The following HERC2 variants were observed in gnomAD, a reference collection of about 807,000 sequenced individuals.
HERC2 encodes the protein HECT and RLD domain containing E3 ubiquitin protein ligase 2.
HERC2 carries 102 observed loss-of-function variants against 537.7 expected under a neutral mutation model. The ratio of observed to expected loss-of-function variants is 0.19; its 90% CI spans 0.16 to 0.22. The LOEUF (loss-of-function observed/expected upper bound fraction) is 0.22, where lower values mean the gene tolerates loss of function less well. Among genes scored for constraint, HERC2 ranks in the 10% least tolerant of loss-of-function variants. HERC2 has a pLI of 1.00. For synonymous variants in HERC2, 2,224 were observed against 2,466.2 expected (o/e 0.90, Z 2.91); for missense variants, 4,236 against 6,198.2 (o/e 0.68, Z 10.63).
intron 57 of HERC2, among the ~76,000 whole-genome samples, chr15:28,179,823 T>C (rs886118429): frequency 3.3e-5 from 5 of 152,162 alleles, no homozygotes; most frequent in African/African-American, 9.7e-5. Context: ...ATGTTAAAGA[T>C]AGAAAAAAGC....
chr15:28,170,855 A>C lies in HERC2; in HGVS notation c.10058-1200T>G, dbSNP rs568356296. ...AGGGCATGAAGACATATTTTACCAA[A>C]GAGGAGATATGGACAGTAAATAAGC... is the stretch of plus-strand genomic sequence containing the variant. On this transcript the variant is annotated intron_variant, in intron 65 of 92. Transcript: ENST00000261609. Among the ~76,000 whole-genome samples, 5 of 152,300 alleles carry C rather than the reference A, an allele frequency of 3.3e-5. No individual in the cohort carries two copies. In the South Asian group the frequency reaches 1.0e-3, roughly 32 times the overall value.
chr15:28,238,947 T>C (rs530539793), intron 23 of HERC2, among the ~76,000 whole-genome samples, 175 bp from the exon 24 acceptor site: 39 of 152,176 alleles, frequency 2.6e-4, no homozygotes, highest in African/African-American at 7.2e-4. Flanking sequence ...AAATATAGAA[T>C]GCTTTAAAAA....
At chr15:28,297,137 T>C (rs2076491425) in intron 3 of HERC2, among the ~76,000 whole-genome samples, 1 of 152,270 alleles carries the variant, frequency 6.6e-6, no homozygotes, top group Non-Finnish European at 1.5e-5. Context: ...CAAGAATTAC[T>C]AAGTAGGAGA....
At chr15:28,232,904 A>G (rs1461277292) in intron 30 of HERC2, among the ~76,000 whole-genome samples, 1 of 152,252 alleles carries the variant, frequency 6.6e-6, no homozygotes, top group East Asian at 1.9e-4. Context: ...TATGTTTTCA[A>G]CATCAATTTA....
chr15:28,275,466 G>A (rs757433911), intron 5 of HERC2, among the ~76,000 whole-genome samples: 4 of 152,220 alleles, frequency 2.6e-5, no homozygotes, highest in South Asian at 2.1e-4. Flanking sequence ...GAAGCCCTGC[G>A]TGCTTGACCC....
rs1158485069 is a variant in HERC2 at position 28,280,143 on chromosome 15, CT to C, written c.466del (p.Arg156GlufsTer110). 6.2e-7 allele frequency: 1 copy of C among 1,614,020 alleles called. No homozygotes were observed. On this transcript the variant is annotated frameshift_variant, in exon 5 of 93. Coordinates refer to ENST00000261609, the MANE Select transcript of HERC2 (RefSeq NM_004667.6). LOFTEE classifies it high-confidence loss of function. ...TTTGACATTCTCCTGAAAAACGGTT[CT>C]ATTCAAGGCAATGAAATAGCGCTCC... is the stretch of plus-strand genomic sequence containing the variant. ...ILERYFIALNRTVFQENVKVK... is the reference protein window; with the variant it reads ...ILERYFIALNXTVFQENVKVK...
At chr15:28,115,767 G>A (rs561804210) in intron 88 of HERC2, among the ~76,000 whole-genome samples, 206 of 152,240 alleles carry the variant, frequency 1.4e-3, no homozygotes, top group Middle Eastern at 3.4e-3. Context: ...CTTTCTGCAC[G>A]CACACTAGTT....
chr15:28,210,603 C>G (rs77019455), intron 44 of HERC2, among the ~76,000 whole-genome samples: 13,494 of 150,114 alleles, frequency 0.09, 1,030 homozygotes, highest in East Asian at 0.42. Flanking sequence ...CAGCAGCAGC[C>G]TGTTCATGGA....
In HERC2 at chr15:28,214,112, G is replaced by A. The variant is rs753682221; in HGVS notation, c.6519C>T (p.Ser2173=). Residue 2173 remains serine (S), a synonymous_variant, in exon 41 of 93, where the codon TCC becomes TCT. Coordinates refer to ENST00000261609, the MANE Select transcript of HERC2 (RefSeq NM_004667.6). ...GCCTTCCCACAAAGCTGTGGGTGATGGAGCGGAGCTGGGAGTTGATGTACT... is the reference window on the plus strand; with the variant it reads ...GCCTTCCCACAAAGCTGTGGGTGATAGAGCGGAGCTGGGAGTTGATGTACT... ...INKYINSQLR[S]ITHSFVGRPS... The A allele has an allele frequency of 9.9e-6, 16 of 1,614,192 alleles. No individual in the cohort carries two copies. Among genetic ancestry groups the A allele is most frequent in the Non-Finnish European group, 1.4e-5 (16 of 1,180,016 alleles).
rs1887868279 is a variant in HERC2 at position 28,113,404 on chromosome 15, T to C, written c.14020-121A>G. On this transcript the variant is annotated intron_variant, in intron 91 of 92. Coordinates refer to ENST00000261609, the MANE Select transcript of HERC2 (RefSeq NM_004667.6). This position sits in a 1 kb window ranked among gnomAD's most constrained non-coding sequence, Gnocchi z 7.0. ...GGGGTGGGGAAAGGTCTGGGGGCTC[T>C]GGGTGGGCCCACACACAGCCTCCTG... The C allele has an allele frequency of 2.6e-6, 3 of 1,172,306 alleles. No individual in the cohort carries two copies. Among genetic ancestry groups the C allele is most frequent in the Admixed American group, 2.0e-5 (1 of 50,192 alleles). The allele number at this position is 1,172,306 out of a possible 1,614,324, so 72.6% of individuals were successfully genotyped here.
In HERC2 at chr15:28,182,608, G is replaced by A. The variant is rs189006849; in HGVS notation, c.8826-96C>T. ...AGAAAAGCAACCTCAAGCACTCAAA[G>A]TTTTATGGTTACTTTCAGAAACTCT... On this transcript the variant is annotated intron_variant, in intron 56 of 92. Transcript: ENST00000261609. The A allele has an allele frequency of 2.7e-4, 244 of 907,974 alleles. 3 individuals are homozygous for A. In the African/African-American group the frequency reaches 3.7e-3, roughly 14 times the overall value. The allele number at this position is 907,974 out of a possible 1,614,324, so 56.2% of individuals were successfully genotyped here. A position where few individuals can be genotyped will look rare whatever the true frequency, so the allele number is the denominator to read the frequency against.
intron 2 of HERC2, among the ~76,000 whole-genome samples, chr15:28,300,869 G>A (rs1444147999): frequency 5.8e-4 from 80 of 137,734 alleles, no homozygotes; most frequent in Non-Finnish European, 8.8e-4. Flanking sequence ...GTTTTCAGTG[G>A]AAAAGAGGAA....
rs1353660549 is a variant in HERC2 at position 28,321,605 on chromosome 15, G to A, written c.-31-141C>T. 1.0e-4 allele frequency: 42 copies of A among 400,910 alleles called. 1 individual carries two copies. The highest frequency in any genetic ancestry group is 1.5e-4 in the Non-Finnish European group (36 of 238,078). The allele number at this position is 400,910 out of a possible 1,614,324, so 24.8% of individuals were successfully genotyped here. ...GGTGGAGGGGAGAGAAGGGGAGAGA[G>A]GGAAAGAGGGAAGAGATGGAGGGAG... On this transcript the variant is annotated intron_variant, in intron 1 of 92. Transcript: ENST00000261609.
intron 47 of HERC2, among the ~76,000 whole-genome samples, chr15:28,201,857 C>G (rs1210127218): frequency 2.6e-5 from 4 of 151,852 alleles, no homozygotes; most frequent in East Asian, 1.9e-4. Flanking sequence ...CTAATGGCTA[C>G]CGAAGATCAT....
chr15:28,245,812 G>T, intron 23 of HERC2, 69 bp downstream of exon 23: 1 of 1,312,882 alleles, frequency 7.6e-7, no homozygotes, highest in South Asian at 1.3e-5. Flanking sequence ...CTTTCAAATT[G>T]AAAGGCAAGA....
intron 86 of HERC2, among the ~76,000 whole-genome samples, chr15:28,118,700 T>A (rs1338271936): frequency 1.3e-5 from 2 of 152,156 alleles, no homozygotes; most frequent in Admixed American, 6.5e-5. Flanking sequence ...AGCCATGGGG[T>A]GGCGGGTTGG....
chr15:28,191,990 A>T lies in HERC2; in HGVS notation c.8422T>A (p.Cys2808Ser). 1 of 1,613,860 alleles carries T rather than the reference A, an allele frequency of 6.2e-7. No individual in the cohort carries two copies. The highest frequency in any genetic ancestry group is 2.2e-5 in the East Asian group (1 of 44,874). ...CCTTGCGACCCCGATGACTGCCAGC[A>T]GGGCTCGCTGCCGTCAATGAGACGG... ...ASRLIDGSEP[C>S]WQSSGSQGKH... The change falls in exon 53 of 93, where the codon TGC becomes AGC. Residue 2808 changes from cysteine (C) to serine (S), a missense_variant. Around this residue, in one of 27 missense-constraint regions of HERC2, gnomAD observed 606 missense variants for 884.5 expected, o/e 0.69. Transcript: ENST00000261609.
intron 2 of HERC2, among the ~76,000 whole-genome samples, chr15:28,316,485 A>T (rs1347867699): frequency 1.8e-4 from 28 of 152,108 alleles, no homozygotes; most frequent in Non-Finnish European, 3.2e-4. Context: ...ACAAAAAAAA[A>T]TTTTTTTGCT....
At chr15:28,192,529 T>C (rs1896946098) in intron 52 of HERC2, among the ~76,000 whole-genome samples, 1 of 152,202 alleles carries the variant, frequency 6.6e-6, no homozygotes, top group Non-Finnish European at 1.5e-5. Context: ...CTTCCATTAA[T>C]GGCAAATCTG....
Sources: allele counts gnomAD v4.1 joint callset (sites outside exome capture counted in the v4.1 genomes callset), GRCh38; gene constraint gnomAD v4.1.1; regional missense constraint gnomAD v4.1.1; non-coding constraint Gnocchi (gnomAD v3.1); transcripts MANE v1.5; gene names NCBI Gene and HGNC (gene_info 2026-07-23, HGNC 2026-07-21).